The following SUN1 variants were observed in gnomAD, a reference collection of about 807,000 sequenced individuals.
SUN1 encodes the protein SUN domain-containing protein 1.
In SUN1, 61 loss-of-function variants were observed where a neutral mutation model predicts 103.2. The ratio of observed to expected loss-of-function variants is 0.59; its 90% CI spans 0.48 to 0.73. The LOEUF (loss-of-function observed/expected upper bound fraction) is 0.73, where lower values mean the gene tolerates loss of function less well. SUN1 is among the 30% of genes least tolerant of loss of function. SUN1 has a pLI of 0.00. For synonymous variants in SUN1, 490 were observed against 425.7 expected, an observed-to-expected ratio of 1.15 and a Z score of -1.86; for missense variants, 1,052 against 1,034.6, an observed-to-expected ratio of 1.02 and a Z score of -0.23.
intron 1 of SUN1, among the ~76,000 whole-genome samples, chr7:826,903 G>A (rs1322600112): frequency 6.6e-6 from 1 of 152,216 alleles, no homozygotes; most frequent in Non-Finnish European, 1.5e-5. Flanking sequence ...CTGTTTATAG[G>A]CTGAAGGGAA....
chr7:832,694 C>A, intron 1 of SUN1, 93 bp downstream of exon 1: 2 of 897,850 alleles, frequency 2.2e-6, no homozygotes, highest in Non-Finnish European at 3.6e-6. Flanking sequence ...ATAGTACTAC[C>A]GACTACATGC....
intron 9 of SUN1, 24 bp downstream of exon 9, chr7:852,976 A>T (rs755216686): frequency 6.2e-7 from 1 of 1,601,782 alleles, no homozygotes; most frequent in Non-Finnish European, 8.5e-7. Context: ...AAGGCCTCTC[A>T]GCTGGCACTG....
At chr7:864,065 T>A (rs551033009) in intron 15 of SUN1, among the ~76,000 whole-genome samples, 1 of 152,364 alleles carries the variant, frequency 6.6e-6, no homozygotes, top group East Asian at 1.9e-4. Context: ...TTCAAACTTA[T>A]GTATTTTAAT....
Position 860,135 on chromosome 7 carries a change from T to G in SUN1, c.1532T>G (p.Val511Gly), listed in dbSNP as rs1487021466. ...CGTCTGCTGTTTTACTAGGTGGACG[T>G]GCAAGTCAGAGAAATGGTGAAACTC... The part of the protein sequence containing the change: ...TVDAVQERVD[V>G]QVREMVKLLF... Residue 511 changes from valine to glycine, a missense_variant, in exon 14 of 19, where the codon GTG (valine) becomes GGG (glycine). Val to Gly is a moderately radical substitution (Grantham distance 109). Around this residue, in one of 2 missense-constraint regions of SUN1, gnomAD observed 846 missense variants for 774.5 expected, o/e 1.09. Coordinates refer to ENST00000401592, the MANE Select transcript of SUN1 (RefSeq NM_001130965.3). 1.9e-6 allele frequency: 3 copies of G among 1,613,872 alleles called. No homozygotes were observed. Among genetic ancestry groups the G allele is most frequent in the Non-Finnish European group, 2.5e-6 (3 of 1,179,900 alleles).
rs1340913657 is a variant in SUN1, at chr7:869,473, C to T, written c.2105C>T (p.Pro702Leu). 2 of 1,613,734 alleles carry T rather than the reference C, an allele frequency of 1.2e-6. No individual in the cohort carries two copies. The highest frequency in any genetic ancestry group is 1.3e-5 in the African/African-American group (1 of 74,892). Residue 702 changes from proline (P) to leucine (L), a missense_variant, in exon 17 of 19, where the codon CCA (proline) becomes CTA (leucine). Physicochemically the swap from Pro to Leu is moderately conservative, Grantham distance 98. Transcript: ENST00000401592. Reference sequence around the variant, plus strand: ...GAGCACATCCCTAAGACGCTGTCGCCAACAGGCAACATCAGCAGCGCCCCC... The same window carrying T: ...GAGCACATCCCTAAGACGCTGTCGCTAACAGGCAACATCAGCAGCGCCCCC... ...TLEHIPKTLSPTGNISSAPKD... is the reference protein window; with the variant it reads ...TLEHIPKTLSLTGNISSAPKD...
At chr7:816,890 C>T (rs933567512) in intron 1 of SUN1, 3 of 151,414 alleles carry the variant, frequency 2.0e-5, no homozygotes, top group African/African-American at 4.8e-5. Context: ...GCCCGGAGAC[C>T]CTGGCGGTCG....
At chr7:835,952 C>T (rs1673251952) in intron 1 of SUN1, among the ~76,000 whole-genome samples, 1 of 152,210 alleles carries the variant, frequency 6.6e-6, no homozygotes, top group South Asian at 2.1e-4. Flanking sequence ...GAATGGGGGA[C>T]TTGTCAGCAG....
At chr7:842,173 G>T in intron 3 of SUN1, 43 bp downstream of exon 3, 1 of 1,594,702 alleles carries the variant, frequency 6.3e-7, no homozygotes, top group Non-Finnish European at 8.6e-7. Context: ...TACAGTTGGG[G>T]TGTTTCTCAG....
At chr7:844,516 C>T (rs1006103375) in intron 5 of SUN1, among the ~76,000 whole-genome samples, 7 of 152,230 alleles carry the variant, frequency 4.6e-5, no homozygotes, top group African/African-American at 1.7e-4. Context: ...TCTCGCATCT[C>T]GTTTTTACCA....
intron 1 of SUN1, among the ~76,000 whole-genome samples, chr7:821,600 CCAATT>C (rs576201579): frequency 5.1e-4 from 78 of 152,268 alleles, no homozygotes; most frequent in Non-Finnish European, 1.0e-3. Flanking sequence ...GAAAATAAAT[CCAATT>C]CAAATCTGCT....
chr7:833,918 TTTTAAAATGCCTCTGTTTC>T (rs1800326461), intron 1 of SUN1, among the ~76,000 whole-genome samples: 1 of 152,218 alleles, frequency 6.6e-6, no homozygotes, highest in South Asian at 2.1e-4. Flanking sequence ...TTAATAGAGT[TTTTAAAATGCCTCTGTTTC>T]TTTACCTTGG....
chr7:825,287 C>T (rs970643464), intron 1 of SUN1, among the ~76,000 whole-genome samples: 2 of 152,204 alleles, frequency 1.3e-5, no homozygotes, highest in African/African-American at 4.8e-5. Flanking sequence ...TGGTCTTGAT[C>T]TCCTGACCTT....
Position 873,366 on chromosome 7 carries a change from A to C in SUN1, c.*35A>C. Reference sequence around the variant, plus strand: ...TCATTATTTTTGTACATTTTTGTATATACTGGGACAGCGTGAAACACTGGA... The same window carrying C: ...TCATTATTTTTGTACATTTTTGTATCTACTGGGACAGCGTGAAACACTGGA... On this transcript the variant is annotated 3_prime_UTR_variant, in exon 19 of 19. Transcript: ENST00000401592. The C allele has an allele frequency of 6.4e-7, 1 of 1,567,310 alleles. No homozygotes were observed. Among genetic ancestry groups the C allele is most frequent in the Non-Finnish European group, 8.8e-7 (1 of 1,137,738 alleles).
At chr7:832,751 T>G in intron 1 of SUN1, 150 bp downstream of exon 1, 1 of 678,104 alleles carries the variant, frequency 1.5e-6, no homozygotes, top group Non-Finnish European at 2.5e-6. Flanking sequence ...CTTATGGCTT[T>G]AGAGGTGGTT....
chr7:870,887 C>CTTT (rs59711259), intron 17 of SUN1, among the ~76,000 whole-genome samples: 28 of 100,990 alleles, frequency 2.8e-4, no homozygotes, highest in South Asian at 3.6e-4. Flanking sequence ...TATTTTCTTT[C>CTTT]TTTTTTTTTT....
In SUN1 at chr7:872,701, C is replaced by G. The variant is rs549578033; in HGVS notation, c.2241+139C>G. 4 of 672,144 alleles carry G rather than the reference C, an allele frequency of 6.0e-6. No homozygotes were observed. The South Asian group carries it at 7.5e-5, about 13-fold the overall frequency. 41.6% of individuals were successfully genotyped at this position (672,144 alleles called of 1,614,324 possible). On this transcript the variant is annotated intron_variant, in intron 18 of 18. Coordinates refer to ENST00000401592, the MANE Select transcript of SUN1 (RefSeq NM_001130965.3). The stretch of plus-strand genomic sequence containing the variant: ...AAATGTTAACCTGCGCTTCCTGGCT[C>G]TGCGTTAATGAGCCTTTCCATGGCT...
At chr7:860,912 G>A (rs7790118) in intron 14 of SUN1, among the ~76,000 whole-genome samples, 36 of 152,228 alleles carry the variant, frequency 2.4e-4, no homozygotes, top group African/African-American at 8.2e-4. Context: ...AGAACAGCAC[G>A]GGAGAAACCC....
rs142058474 is a variant in SUN1, at chr7:869,529, G to A, written c.2148+13G>A. 0.023 allele frequency: 37,777 copies of A among 1,609,668 alleles called. 536 individuals carry two copies. The highest frequency in any genetic ancestry group is 0.029 in the Non-Finnish European group (34,464 of 1,177,216). On this transcript the variant is annotated intron_variant, in intron 17 of 18. Transcript: ENST00000401592. Reference sequence around the variant, plus strand: ...CTTCGCCGTCTATGTGAGTGCCCTTGGCCGACCCTCCTCCTCCCACACCTT... The same window carrying A: ...CTTCGCCGTCTATGTGAGTGCCCTTAGCCGACCCTCCTCCTCCCACACCTT...
At chr7:827,477 T>TTTTG (rs1554260657), upstream of SUN1, among the ~76,000 whole-genome samples, 261 of 144,712 alleles carry the variant, frequency 1.8e-3, 4 homozygotes, top group Admixed American at 0.015. Flanking sequence ...TTTTTTTTTT[T>TTTTG]TTTTTTTTTT....
Sources: gnomAD v4.1 joint callset for allele counts (sites outside exome capture counted in the v4.1 genomes callset) on GRCh38, gnomAD v4.1.1 for gene constraint, gnomAD v4.1.1 regional missense constraint, MANE v1.5 for transcripts, NCBI Gene and HGNC (gene_info 2026-07-23, HGNC 2026-07-21) for gene names.